Variants in CNTNAP2 observed in about 807,000 individuals in gnomAD.
The protein encoded by CNTNAP2 is contactin associated protein 2, also known as contactin-associated protein-like 2.
CNTNAP2 carries 98 observed loss-of-function variants against 155.2 expected under a neutral mutation model. That is an observed-to-expected ratio of 0.63 (90% CI 0.54 to 0.75). The LOEUF is 0.75. Ranked by LOEUF, CNTNAP2 falls within the 30% of genes least tolerant of loss-of-function variation. CNTNAP2 has a pLI of 0.00. For synonymous variants in CNTNAP2, 651 were observed against 631.2 expected, an observed-to-expected ratio of 1.03 and a Z score of -0.47; for missense variants, 1,727 against 1,688.1, an observed-to-expected ratio of 1.02 and a Z score of -0.40.
intron 1 of CNTNAP2, among the ~76,000 whole-genome samples, chr7:146,343,084 T>C (rs1367830589): frequency 1.3e-5 from 2 of 152,036 alleles, no homozygotes; most frequent in East Asian, 3.9e-4. Flanking sequence ...AAGGTTGTTT[T>C]TTTTTTGTTT....
In CNTNAP2 at chr7:146,132,909, G is replaced by A. The variant is rs1294783326; in HGVS notation, c.97+15936G>A. Among the ~76,000 whole-genome samples, 387 of 148,512 alleles carry A rather than the reference G, an allele frequency of 2.6e-3. 1 individual carries two copies. The highest frequency in any genetic ancestry group is 9.1e-3 in the African/African-American group (362 of 39,768). On this transcript the variant is annotated intron_variant, in intron 1 of 23. Transcript: ENST00000361727. ...TGTCTTTATAGCAGCATGATTTATA[G>A]TCCTTTGGGTATATACCCAGTAATG...
chr7:147,045,743 G>C (rs1238173036), intron 4 of CNTNAP2, among the ~76,000 whole-genome samples: 1 of 152,084 alleles, frequency 6.6e-6, no homozygotes, highest in African/African-American at 2.4e-5. Context: ...AGAAGAAAAT[G>C]TGATATTTTT....
intron 8 of CNTNAP2, among the ~76,000 whole-genome samples, chr7:147,291,346 G>A (rs1261268621): frequency 2.0e-5 from 3 of 151,854 alleles, no homozygotes; most frequent in African/African-American, 7.3e-5. Context: ...ACAGGCCCCG[G>A]TGTGTGATGT....
intron 4 of CNTNAP2, among the ~76,000 whole-genome samples, chr7:147,055,247 T>C (rs1057246200): frequency 6.6e-6 from 1 of 152,214 alleles, no homozygotes; most frequent in Non-Finnish European, 1.5e-5. Flanking sequence ...TGATCACGGC[T>C]CTATGGAAAA....
intron 15 of CNTNAP2, among the ~76,000 whole-genome samples, chr7:148,006,573 C>A (rs1472243463): frequency 6.6e-6 from 1 of 150,988 alleles, no homozygotes; most frequent in Non-Finnish European, 1.5e-5. Context: ...CCTGCCTCGG[C>A]CTTCCAAAGT....
At chr7:146,647,727 CCTT>C (rs1324087595) in intron 1 of CNTNAP2, among the ~76,000 whole-genome samples, 1 of 152,092 alleles carries the variant, frequency 6.6e-6, no homozygotes, top group Non-Finnish European at 1.5e-5. Flanking sequence ...TCCGTTTTGA[CCTT>C]CTTGATCCCA....
intron 15 of CNTNAP2, among the ~76,000 whole-genome samples, chr7:148,101,350 A>AGT (rs4015917): frequency 0.028 from 4,008 of 144,340 alleles, 119 homozygotes; most frequent in East Asian, 0.18. Flanking sequence ...TAAAAAGTTC[A>AGT]GTGTGTGTGT....
intron 21 of CNTNAP2, among the ~76,000 whole-genome samples, chr7:148,281,929 G>A (rs547909650): frequency 2.1e-5 from 3 of 140,296 alleles, no homozygotes; most frequent in South Asian, 4.7e-4. Flanking sequence ...TCCACCTCCC[G>A]GGTTCAAGCA....
chr7:146,841,752 T>TA (rs1179865743), intron 3 of CNTNAP2, among the ~76,000 whole-genome samples: 2 of 152,160 alleles, frequency 1.3e-5, no homozygotes, highest in African/African-American at 4.8e-5. Flanking sequence ...TGTGCCAAGA[T>TA]AGTAATAAAG....
chr7:148,146,130 C>G (rs1423947369), intron 16 of CNTNAP2, among the ~76,000 whole-genome samples: 2 of 152,012 alleles, frequency 1.3e-5, no homozygotes, highest in Non-Finnish European at 2.9e-5. Flanking sequence ...TAAAATGGTA[C>G]CAGCCAAAAG....
intron 1 of CNTNAP2, among the ~76,000 whole-genome samples, chr7:146,535,365 G>GTATATTATATATGATATAATATATGATA (rs1797850206): frequency 2.3e-5 from 1 of 44,384 alleles, no homozygotes; most frequent in Non-Finnish European, 3.4e-5. Flanking sequence ...ATTATATAAT[G>GTATATTATATATGATATAATATATGATA]TATATTATAT....
chr7:147,162,758 AAGT>A (rs1284496187), intron 8 of CNTNAP2, among the ~76,000 whole-genome samples: 1 of 152,198 alleles, frequency 6.6e-6, no homozygotes, highest in Non-Finnish European at 1.5e-5. Context: ...CAGCTGAACT[AAGT>A]AAGCATAAAA....
intron 12 of CNTNAP2, among the ~76,000 whole-genome samples, chr7:147,617,314 C>T (rs1481244983): frequency 6.6e-6 from 1 of 152,098 alleles, no homozygotes; most frequent in African/African-American, 2.4e-5. Flanking sequence ...GCTTAATGTC[C>T]TCTAACTGCC....
intron 1 of CNTNAP2, among the ~76,000 whole-genome samples, chr7:146,611,494 A>T (rs1038338492): frequency 6.6e-6 from 1 of 152,240 alleles, no homozygotes; most frequent in South Asian, 2.1e-4. Flanking sequence ...ACATAATATT[A>T]TATAAAATTT....
chr7:148,165,208 C>T (rs902980155), intron 17 of CNTNAP2, among the ~76,000 whole-genome samples: 3 of 152,210 alleles, frequency 2.0e-5, no homozygotes, highest in African/African-American at 7.2e-5. Flanking sequence ...AGACTGCTGT[C>T]TTCTTGCCGT....
At chr7:146,292,674 C>A (rs1245620597) in intron 1 of CNTNAP2, among the ~76,000 whole-genome samples, 1 of 152,144 alleles carries the variant, frequency 6.6e-6, no homozygotes, top group African/African-American at 2.4e-5. Context: ...TCTGCACTCC[C>A]ATGGTTAGTG....
At chr7:146,597,616 A>T (rs989180215) in intron 1 of CNTNAP2, among the ~76,000 whole-genome samples, 1 of 151,992 alleles carries the variant, frequency 6.6e-6, no homozygotes, top group African/African-American at 2.4e-5. Context: ...ATATTTAGCA[A>T]TGTTATTTCA....
intron 11 of CNTNAP2, among the ~76,000 whole-genome samples, chr7:147,538,240 T>A (rs1298236673): frequency 6.6e-6 from 1 of 152,236 alleles, no homozygotes; most frequent in Non-Finnish European, 1.5e-5. Flanking sequence ...TGTTGGTGAA[T>A]GAAAATTTCT....
At chr7:147,518,532 G>C (rs964553483) in intron 11 of CNTNAP2, among the ~76,000 whole-genome samples, 1 of 152,200 alleles carries the variant, frequency 6.6e-6, no homozygotes, top group African/African-American at 2.4e-5. Flanking sequence ...TCAAAGGCCA[G>C]TGTTTTTCTA....
Sources: allele counts gnomAD v4.1 joint callset (sites outside exome capture counted in the v4.1 genomes callset), GRCh38; gene constraint gnomAD v4.1.1; transcripts MANE v1.5; gene names NCBI Gene and HGNC (gene_info 2026-07-23, HGNC 2026-07-21).